The following IQCK variants were observed in gnomAD, a reference collection of about 807,000 sequenced individuals.
The protein encoded by IQCK is IQ domain-containing protein K.
A neutral mutation model predicts 28.1 loss-of-function variants in IQCK; 29 were observed. That is an observed-to-expected ratio of 1.03 (90% CI 0.77 to 1.41). IQCK has a LOEUF of 1.41. Ranked by LOEUF, IQCK falls within the 40% of genes most tolerant of loss-of-function variation. The pLI is 0.00. For missense variants in IQCK, 359 were observed against 314.7 expected (o/e 1.14, Z -1.07); for synonymous variants, 113 against 115.1 (o/e 0.98, Z 0.12).
At chr16:19,835,756 T>C (rs1213252039) in intron 9 of IQCK, among the ~76,000 whole-genome samples, 2 of 152,082 alleles carry the variant, frequency 1.3e-5, no homozygotes, top group Admixed American at 6.6e-5. Flanking sequence ...AGTTAATTTT[T>C]GTATTTTTAG....
intron 7 of IQCK, among the ~76,000 whole-genome samples, chr16:19,823,029 G>T (rs2056097467): frequency 6.6e-6 from 1 of 152,112 alleles, no homozygotes; most frequent in Non-Finnish European, 1.5e-5. Flanking sequence ...GGGCTAGGTG[G>T]TAGCTGATGG....
chr16:19,852,583 A>G (rs116285717), intron 9 of IQCK, among the ~76,000 whole-genome samples: 2,961 of 144,832 alleles, frequency 0.02, 101 homozygotes, highest in African/African-American at 0.072. Context: ...GAATCACACT[A>G]TATGTATTAT....
chr16:19,737,989 A>C (rs2054780820), intron 4 of IQCK, among the ~76,000 whole-genome samples: 1 of 152,196 alleles, frequency 6.6e-6, no homozygotes, highest in Non-Finnish European at 1.5e-5. Context: ...CTCAGATTTC[A>C]GAGTATTTCA....
chr16:19,857,253 A>G (rs11861066), exon 10 of IQCK: 5 of 317,618 alleles, frequency 1.6e-5, no homozygotes, highest in African/African-American at 1.1e-4. Flanking sequence ...AAAGCCTAGT[A>G]GTTAGTTGCA....
intron 6 of IQCK, among the ~76,000 whole-genome samples, chr16:19,785,338 A>G (rs933461514): frequency 6.6e-6 from 1 of 152,170 alleles, no homozygotes; most frequent in South Asian, 2.1e-4. Flanking sequence ...GGCAGAGGAA[A>G]GCACCTTAGC....
At chr16:19,742,867 G>A (rs995277323) in intron 4 of IQCK, among the ~76,000 whole-genome samples, 1 of 152,120 alleles carries the variant, frequency 6.6e-6, no homozygotes, top group African/African-American at 2.4e-5. Context: ...AATGAATATG[G>A]ATTCTCAAAA....
intron 9 of IQCK, among the ~76,000 whole-genome samples, chr16:19,835,179 A>G (rs1230803292): frequency 6.6e-6 from 1 of 152,096 alleles, no homozygotes; most frequent in Admixed American, 6.6e-5. Flanking sequence ...AGGCATGAGA[A>G]TTGTGTGAAC....
chr16:19,718,470 G>A lies in IQCK; in HGVS notation c.164G>A (p.Trp55Ter), dbSNP rs1467485644. ...ACCGAGCCGTCAAGCAAGAATCTGT[G>A]GGAGCAGATCTGCAAGGGTAGGAAA... Residue 55 changes from tryptophan (W) to a stop codon, truncating the protein, a stop_gained, in exon 1 of 8, where the codon TGG (tryptophan) becomes TAG (stop). Coordinates refer to ENST00000564186, the Ensembl canonical transcript of IQCK. LOFTEE classifies it high-confidence loss of function. 1 of 1,606,882 alleles carries A rather than the reference G, an allele frequency of 6.2e-7. No individual in the cohort carries two copies. Among genetic ancestry groups the A allele is most frequent in the Admixed American group, 1.7e-5 (1 of 58,492 alleles).
intron 4 of IQCK, among the ~76,000 whole-genome samples, chr16:19,738,423 T>C (rs1423976138): frequency 6.6e-6 from 1 of 152,200 alleles, no homozygotes; most frequent in Non-Finnish European, 1.5e-5. Flanking sequence ...CCCCACCTCA[T>C]ATATTAATTA....
intron 4 of IQCK, among the ~76,000 whole-genome samples, chr16:19,738,583 C>T (rs2054787932): frequency 6.6e-6 from 1 of 152,200 alleles, no homozygotes; most frequent in Non-Finnish European, 1.5e-5. Flanking sequence ...GCCATTATCA[C>T]TTCCTTCCAT....
chr16:19,822,369 G>A (rs2056086007), intron 7 of IQCK, among the ~76,000 whole-genome samples: 1 of 128,758 alleles, frequency 7.8e-6, no homozygotes, highest in South Asian at 2.6e-4. Flanking sequence ...CTGGGTGACA[G>A]AGTGAGACTC....
chr16:19,803,449 G>A (rs1027745170), intron 7 of IQCK, among the ~76,000 whole-genome samples: 2 of 152,018 alleles, frequency 1.3e-5, no homozygotes, highest in African/African-American at 2.4e-5. Flanking sequence ...AGCCAGAGAT[G>A]GGTATTGTTT....
At chr16:19,781,194 G>A (rs897694961) in intron 6 of IQCK, among the ~76,000 whole-genome samples, 4 of 152,112 alleles carry the variant, frequency 2.6e-5, no homozygotes, top group Non-Finnish European at 5.9e-5. Flanking sequence ...TTACAAAGAC[G>A]TTAAATAATA....
At chr16:19,768,469 G>A (rs1363540022) in intron 6 of IQCK, among the ~76,000 whole-genome samples, 4 of 152,178 alleles carry the variant, frequency 2.6e-5, no homozygotes, top group Non-Finnish European at 5.9e-5. Context: ...ACCACTGGCT[G>A]GGTGCAGTGG....
chr16:19,721,379 A>G (rs1205118045), intron 1 of IQCK, among the ~76,000 whole-genome samples: 4 of 152,168 alleles, frequency 2.6e-5, no homozygotes, highest in South Asian at 4.1e-4. Flanking sequence ...GTGCATGCTC[A>G]CCACTATAAC....
exon 6 of IQCK, chr16:19,764,060 C>G (rs1488541967): frequency 6.2e-7 from 1 of 1,614,036 alleles, no homozygotes; most frequent in Admixed American, 1.7e-5. Context: ...GGCAGGGGAG[C>G]CATTCACAGA....
At chr16:19,779,817 A>G (rs1403108561) in intron 6 of IQCK, among the ~76,000 whole-genome samples, 4 of 151,004 alleles carry the variant, frequency 2.6e-5, no homozygotes, top group African/African-American at 9.7e-5. Flanking sequence ...TCCTGGGTTC[A>G]CGCCATTCTC....
chr16:19,763,952 A>C (rs1181237000), intron 5 of IQCK, 52 bp downstream of exon 5: 2 of 1,594,428 alleles, frequency 1.3e-6, no homozygotes, highest in African/African-American at 2.7e-5. Flanking sequence ...CAGTCGTGTT[A>C]ATTTGCAAGC....
At chr16:19,832,715 T>C (rs2056247756) in intron 9 of IQCK, among the ~76,000 whole-genome samples, 1 of 152,174 alleles carries the variant, frequency 6.6e-6, no homozygotes, top group Admixed American at 6.5e-5. Context: ...GGGTAATTTA[T>C]AAAGAAAAGA....
Sources: gnomAD v4.1 joint callset for allele counts (sites outside exome capture counted in the v4.1 genomes callset) on GRCh38, gnomAD v4.1.1 for gene constraint, MANE v1.5 for transcripts, NCBI Gene and HGNC (gene_info 2026-07-23, HGNC 2026-07-21) for gene names.